Variants in CDH12 observed in about 807,000 individuals in gnomAD.
CDH12 encodes the protein cadherin-12.
In CDH12, 41 loss-of-function variants were observed where a neutral mutation model predicts 74.1. The ratio of observed to expected loss-of-function variants is 0.55; its 90% CI spans 0.43 to 0.72. CDH12 has a LOEUF of 0.72. Among genes scored for constraint, CDH12 ranks in the 30% least tolerant of loss-of-function variants. CDH12 has a pLI of 0.00. For missense variants in CDH12, 945 were observed against 977.2 expected (o/e 0.97, Z 0.44); for synonymous variants, 399 against 355.0 (o/e 1.12, Z -1.39).
chr5:22,446,695 T>G (rs1744827491), intron 2 of CDH12, among the ~76,000 whole-genome samples: 1 of 152,144 alleles, frequency 6.6e-6, no homozygotes, highest in Non-Finnish European at 1.5e-5. Context: ...TGAATATTGC[T>G]ATAATTGTCC....
chr5:22,262,605 A>G (rs1753560197), intron 3 of CDH12, among the ~76,000 whole-genome samples: 1 of 150,906 alleles, frequency 6.6e-6, no homozygotes, highest in Non-Finnish European at 1.5e-5. Context: ...TAGCAGCATG[A>G]TTTATAGTCA....
intron 3 of CDH12, among the ~76,000 whole-genome samples, chr5:22,279,539 A>T (rs1167034357): frequency 6.6e-6 from 1 of 150,972 alleles, no homozygotes; most frequent in Non-Finnish European, 1.5e-5. Context: ...CCCCCACCGC[A>T]CAACAGGTCC....
chr5:22,703,708 C>T (rs914875611), intron 1 of CDH12, among the ~76,000 whole-genome samples: 2 of 152,022 alleles, frequency 1.3e-5, no homozygotes, highest in Admixed American at 6.6e-5. Flanking sequence ...TCTTACTATA[C>T]ATTGATGTGT....
At chr5:21,848,573 T>A (rs757350541) in intron 7 of CDH12, among the ~76,000 whole-genome samples, 1 of 152,044 alleles carries the variant, frequency 6.6e-6, no homozygotes, top group African/African-American at 2.4e-5. Context: ...TAGTACATTC[T>A]TGAATAATAT....
At position 21,967,801 on chromosome 5, in the gene CDH12, C is replaced by T. The variant is rs1246156561; in HGVS notation, c.526+7290G>A. On this transcript the variant is annotated intron_variant, in intron 6 of 14. Coordinates refer to ENST00000382254, the MANE Select transcript of CDH12 (RefSeq NM_004061.5). The stretch of plus-strand genomic sequence containing the variant: ...ATGCTCCCTGCCCACACAGCCATAA[C>T]ATCCTATGGCCCTGAAAATAGTCCT... 7.9e-5 allele frequency among the ~76,000 whole-genome samples: 12 copies of T among 152,288 alleles called. No individual in the cohort carries two copies. The East Asian group carries it at 2.1e-3, about 27-fold the overall frequency.
intron 1 of CDH12, among the ~76,000 whole-genome samples, chr5:22,665,787 A>G (rs951804996): frequency 1.3e-5 from 2 of 152,078 alleles, no homozygotes; most frequent in Non-Finnish European, 2.9e-5. Flanking sequence ...TTTCCTTTCC[A>G]CAAACTATTT....
intron 1 of CDH12, among the ~76,000 whole-genome samples, chr5:22,760,678 C>CAAA (rs11284255): frequency 4.2e-3 from 268 of 63,292 alleles, no homozygotes; most frequent in Middle Eastern, 0.021. Flanking sequence ...GACTCCGTCT[C>CAAA]AAAAAAAAAA....
intron 1 of CDH12, among the ~76,000 whole-genome samples, chr5:22,507,574 G>T (rs528437667): frequency 5.3e-4 from 80 of 152,098 alleles, no homozygotes; most frequent in African/African-American, 1.9e-3. Flanking sequence ...ACTAATAAAG[G>T]CTTCCCTGTC....
At position 21,791,461 on chromosome 5, in the gene CDH12, A is replaced by G. The variant is rs528536151; in HGVS notation, c.1257-7967T>C. On this transcript the variant is annotated intron_variant, in intron 10 of 14. Transcript: ENST00000382254. ...ACTTACAATCTAAGGATAAAATATT[A>G]TTGGAATTGCAACTAATCACAACAG... Among the ~76,000 whole-genome samples the G allele has an allele frequency of 3.3e-5, 5 of 152,098 alleles. No homozygotes were observed. In the South Asian group the frequency reaches 1.0e-3, roughly 31 times the overall value.
At chr5:22,393,790 C>A (rs1487175779) in intron 3 of CDH12, among the ~76,000 whole-genome samples, 1 of 151,972 alleles carries the variant, frequency 6.6e-6, no homozygotes, top group Non-Finnish European at 1.5e-5. Flanking sequence ...CTGTTAAATG[C>A]ACAATGGAGA....
chr5:22,085,922 A>T (rs902195108), intron 4 of CDH12, among the ~76,000 whole-genome samples: 4 of 152,312 alleles, frequency 2.6e-5, no homozygotes, highest in Middle Eastern at 6.8e-3. Context: ...GACTCCCAGG[A>T]AAATTATTTG....
chr5:22,057,994 T>C (rs1242923929), intron 5 of CDH12, among the ~76,000 whole-genome samples: 1 of 145,086 alleles, frequency 6.9e-6, no homozygotes, highest in Non-Finnish European at 1.5e-5. Flanking sequence ...TTAGTTTTCC[T>C]TGTATTCTAT....
intron 3 of CDH12, among the ~76,000 whole-genome samples, chr5:22,264,346 G>A (rs1314358775): frequency 6.6e-6 from 1 of 151,930 alleles, no homozygotes; most frequent in Non-Finnish European, 1.5e-5. Context: ...AAAATCATTT[G>A]TAAAGTTAAA....
intron 3 of CDH12, among the ~76,000 whole-genome samples, chr5:22,250,682 C>G (rs1386204620): frequency 1.3e-5 from 2 of 152,128 alleles, no homozygotes; most frequent in Non-Finnish European, 2.9e-5. Flanking sequence ...CATACAATTG[C>G]TTTGGTTCTT....
chr5:21,880,607 CCTTCCTT>C (rs1561268244), intron 6 of CDH12, among the ~76,000 whole-genome samples: 18 of 70,182 alleles, frequency 2.6e-4, no homozygotes, highest in African/African-American at 9.2e-4. Context: ...TTCCTTCCTT[CCTTCCTT>C]CCTTCTTTCT....
Position 22,143,507 on chromosome 5 carries a change from T to G in CDH12, c.-186-64645A>C, listed in dbSNP as rs2150300895. The G allele has an allele frequency of 2.0e-5, 3 of 152,068 alleles. 1 individual carries two copies. In the South Asian group the frequency reaches 6.2e-4, roughly 32 times the overall value. 9.4% of individuals were successfully genotyped at this position (152,068 alleles called of 1,614,324 possible). ...CCTCAGCCTCATGAATAGCTGGGAT[T>G]ACAGGTGCCCACCACCATGCCTGGC... On this transcript the variant is annotated intron_variant, in intron 4 of 14. Transcript: ENST00000382254.
chr5:22,811,086 C>A (rs1242246662), intron 1 of CDH12, among the ~76,000 whole-genome samples: 1 of 151,298 alleles, frequency 6.6e-6, no homozygotes, highest in Non-Finnish European at 1.5e-5. Context: ...TACATATATA[C>A]ACACGTATAT....
At chr5:22,224,565 G>T (rs1752130609) in intron 3 of CDH12, among the ~76,000 whole-genome samples, 1 of 152,024 alleles carries the variant, frequency 6.6e-6, no homozygotes, top group Non-Finnish European at 1.5e-5. Context: ...ATACTATGTA[G>T]GTACGTATGT....
intron 6 of CDH12, among the ~76,000 whole-genome samples, chr5:21,864,292 G>A (rs1034255557): frequency 6.6e-6 from 1 of 152,084 alleles, no homozygotes; most frequent in Non-Finnish European, 1.5e-5. Flanking sequence ...GTCTGTGAGG[G>A]TGTTTTCAGA....
Sources: allele counts gnomAD v4.1 joint callset (sites outside exome capture counted in the v4.1 genomes callset), GRCh38; gene constraint gnomAD v4.1.1; transcripts MANE v1.5; gene names NCBI Gene and HGNC (gene_info 2026-07-23, HGNC 2026-07-21).